The following STARD13 variants were observed in gnomAD, a reference collection of about 807,000 sequenced individuals.
STARD13 encodes StAR related lipid transfer domain containing 13.
A neutral mutation model predicts 106.4 loss-of-function variants in STARD13; 62 were observed. The observed-to-expected ratio is 0.58, with a 90% confidence interval of 0.48 to 0.72. The LOEUF (loss-of-function observed/expected upper bound fraction) is 0.72, where lower values mean the gene tolerates loss of function less well. STARD13 is among the 30% of genes least tolerant of loss of function. The pLI, the probability that STARD13 is intolerant of heterozygous loss-of-function variation, is 0.00. For missense variants in STARD13, 1,387 were observed against 1,424.0 expected, an observed-to-expected ratio of 0.97 and a Z score of 0.42; for synonymous variants, 565 against 553.0, an observed-to-expected ratio of 1.02 and a Z score of -0.31.
chr13:33,563,187 T>G, the STARD13 span, among the ~76,000 whole-genome samples: 3 of 146,360 alleles, frequency 2.0e-5, 1 homozygote, highest in African/African-American at 7.7e-5. Flanking sequence ...TCAATCCCTA[T>G]CAAAATACCA....
chr13:33,518,800 T>C, the STARD13 span, among the ~76,000 whole-genome samples: 2 of 152,136 alleles, frequency 1.3e-5, no homozygotes, highest in Non-Finnish European at 1.5e-5. Flanking sequence ...TTTGCATACC[T>C]TGATGGAGAC....
At chr13:33,357,490 A>G in the STARD13 span, among the ~76,000 whole-genome samples, 1 of 152,256 alleles carries the variant, frequency 6.6e-6, no homozygotes, top group African/African-American at 2.4e-5. Context: ...CTAGTTTAGC[A>G]CTACCCAGGA....
Position 33,167,574 on chromosome 13 carries a change from G to A in STARD13, c.218C>T (p.Pro73Leu), listed in dbSNP as rs756008277. Residue 73 changes from proline to leucine, a missense_variant, in exon 2 of 14, where the codon CCG (proline) becomes CTG (leucine). By Grantham distance (98) the Pro-to-Leu change is moderately conservative. Coordinates refer to ENST00000336934, the MANE Select transcript of STARD13 (RefSeq NM_178006.4). ...ACDWLRAAGF[P>L]QYAQLYEDSQ... ...ACCCTCATATAACTGAGCGTATTGCGGGAACCCGGCAGCACGGAGCCAGTC... is the reference window on the plus strand; with the variant it reads ...ACCCTCATATAACTGAGCGTATTGCAGGAACCCGGCAGCACGGAGCCAGTC... 5 of 1,614,166 alleles carry A rather than the reference G, an allele frequency of 3.1e-6. No individual in the cohort carries two copies. The highest frequency in any genetic ancestry group is 2.5e-6 in the Non-Finnish European group (3 of 1,180,014).
At chr13:33,494,907 A>T in the STARD13 span, among the ~76,000 whole-genome samples, 2 of 152,080 alleles carry the variant, frequency 1.3e-5, no homozygotes, top group Non-Finnish European at 2.9e-5. Context: ...AAAACATAAA[A>T]ACAAATGCGC....
chr13:33,329,362 T>A (rs2077811159), intron 1 of STARD13, among the ~76,000 whole-genome samples: 1 of 152,194 alleles, frequency 6.6e-6, no homozygotes, highest in Non-Finnish European at 1.5e-5. Context: ...ACTATCACAT[T>A]CCAACTAATT....
chr13:33,374,578 T>G, the STARD13 span, among the ~76,000 whole-genome samples: 1 of 152,182 alleles, frequency 6.6e-6, no homozygotes, highest in Non-Finnish European at 1.5e-5. Flanking sequence ...CACTAGAAAT[T>G]AAATACTATG....
chr13:33,346,254 G>C (rs2078015760), downstream of STARD13, among the ~76,000 whole-genome samples: 1 of 152,162 alleles, frequency 6.6e-6, no homozygotes, highest in Non-Finnish European at 1.5e-5. Context: ...TGCCACCCCA[G>C]CTGACAGCTT....
intron 7 of STARD13, among the ~76,000 whole-genome samples, chr13:33,121,751 T>C (rs1181639581): frequency 6.9e-6 from 1 of 144,618 alleles, no homozygotes; most frequent in Non-Finnish European, 1.5e-5. Context: ...TGATCTCAGC[T>C]CAACCACAAC....
At chr13:33,410,478 C>A in the STARD13 span, among the ~76,000 whole-genome samples, 1 of 152,184 alleles carries the variant, frequency 6.6e-6, no homozygotes, top group African/African-American at 2.4e-5. Flanking sequence ...TTTATAGGTT[C>A]TCAGCCATCA....
chr13:33,297,278 T>C (rs749755393), intron 1 of STARD13, among the ~76,000 whole-genome samples: 2 of 152,238 alleles, frequency 1.3e-5, no homozygotes, highest in Non-Finnish European at 2.9e-5. Flanking sequence ...TTCTCCTTAG[T>C]GGCTCCGCCA....
At chr13:33,298,301 T>TA (rs1202838456) in intron 1 of STARD13, among the ~76,000 whole-genome samples, 3 of 151,300 alleles carry the variant, frequency 2.0e-5, no homozygotes, top group African/African-American at 7.3e-5. Context: ...AGCTAATTTT[T>TA]TTTTTTTTTT....
chr13:33,547,063 T>TATA, the STARD13 span, among the ~76,000 whole-genome samples: 2 of 152,234 alleles, frequency 1.3e-5, no homozygotes, highest in African/African-American at 2.4e-5. Flanking sequence ...ATAGTACATT[T>TATA]ATAAGGCTTT....
At chr13:33,556,790 C>T in the STARD13 span, among the ~76,000 whole-genome samples, 1 of 151,990 alleles carries the variant, frequency 6.6e-6, no homozygotes, top group Admixed American at 6.6e-5. Flanking sequence ...TTGTGTGAGA[C>T]AGGGTCTCAC....
chr13:33,566,111 C>T, the STARD13 span, among the ~76,000 whole-genome samples: 1 of 148,256 alleles, frequency 6.7e-6, no homozygotes, highest in Non-Finnish European at 1.5e-5. Flanking sequence ...CACTTCATCT[C>T]ATTACATCAG....
the STARD13 span, among the ~76,000 whole-genome samples, chr13:33,429,380 A>C: frequency 6.6e-6 from 1 of 152,166 alleles, no homozygotes; most frequent in Non-Finnish European, 1.5e-5. Context: ...GCGGATCACG[A>C]GGTCAGCAGA....
At chr13:33,190,579 T>C (rs1319884717) in intron 1 of STARD13, among the ~76,000 whole-genome samples, 3 of 145,140 alleles carry the variant, frequency 2.1e-5, no homozygotes, top group African/African-American at 7.8e-5. Flanking sequence ...TTTTCTTTTC[T>C]TTTCTTTTCT....
chr13:33,254,641 G>C (rs1339290391), intron 1 of STARD13, among the ~76,000 whole-genome samples: 3 of 152,128 alleles, frequency 2.0e-5, no homozygotes, highest in Non-Finnish European at 4.4e-5. Flanking sequence ...CCGAAACCCA[G>C]GCTCCAGAAG....
intron 7 of STARD13, among the ~76,000 whole-genome samples, chr13:33,122,404 T>A (rs1202292280): frequency 1.3e-5 from 2 of 152,186 alleles, no homozygotes; most frequent in African/African-American, 4.8e-5. Context: ...CTGTCACCCA[T>A]GGACGGGCAG....
the STARD13 span, among the ~76,000 whole-genome samples, chr13:33,413,206 A>G: frequency 1.3e-5 from 2 of 152,204 alleles, no homozygotes; most frequent in East Asian, 1.9e-4. Context: ...GTTTTAAAAC[A>G]TACATTAAAT....
Sources: allele counts gnomAD v4.1 joint callset (sites outside exome capture counted in the v4.1 genomes callset), GRCh38; gene constraint gnomAD v4.1.1; transcripts MANE v1.5; gene names NCBI Gene and HGNC (gene_info 2026-07-23, HGNC 2026-07-21).